SGCD: variants seen among roughly 807,000 people sequenced by gnomAD.
The protein encoded by SGCD is sarcoglycan delta, also known as delta-sarcoglycan.
A neutral mutation model predicts 36.6 loss-of-function variants in SGCD; 18 were observed. The ratio of observed to expected loss-of-function variants is 0.49; its 90% CI spans 0.34 to 0.73. The LOEUF is 0.73. SGCD is among the 30% of genes least tolerant of loss of function. SGCD has a pLI of 0.01. For missense variants in SGCD, 387 were observed against 346.7 expected (o/e 1.12, Z -0.92); for synonymous variants, 133 against 130.6 (o/e 1.02, Z -0.12).
intron 1 of SGCD, among the ~76,000 whole-genome samples, chr5:155,974,743 G>A (rs1022614894): frequency 5.3e-5 from 8 of 152,082 alleles, no homozygotes; most frequent in African/African-American, 1.4e-4. Context: ...AGCACAGATG[G>A]CATGTCAGAG....
intron 3 of SGCD, among the ~76,000 whole-genome samples, chr5:156,230,571 T>C (rs1384102984): frequency 1.3e-5 from 2 of 152,124 alleles, no homozygotes; most frequent in African/African-American, 4.8e-5. Context: ...CTGTTAGTAA[T>C]TGGGGTGTCT....
the SGCD span, among the ~76,000 whole-genome samples, chr5:155,811,402 G>T: frequency 6.6e-6 from 1 of 152,156 alleles, no homozygotes; most frequent in Non-Finnish European, 1.5e-5. Context: ...CTTATGAAGA[G>T]ACATGTTTCT....
intron 1 of SGCD, among the ~76,000 whole-genome samples, chr5:155,874,367 A>C (rs1169132048): frequency 1.3e-5 from 2 of 152,158 alleles, no homozygotes; most frequent in Non-Finnish European, 2.9e-5. Flanking sequence ...ATATCTTAGT[A>C]ATTTTGACTT....
At chr5:156,161,116 C>G (rs1038762331) in intron 3 of SGCD, among the ~76,000 whole-genome samples, 1 of 151,674 alleles carries the variant, frequency 6.6e-6, no homozygotes, top group Non-Finnish European at 1.5e-5. Flanking sequence ...TTACAAGTGT[C>G]TATGGCTTTG....
At chr5:156,185,884 G>T (rs1223755808) in intron 3 of SGCD, among the ~76,000 whole-genome samples, 1 of 32,224 alleles carries the variant, frequency 3.1e-5, no homozygotes. Flanking sequence ...GAGAGAGAGA[G>T]AGGGCCATGT....
intron 4 of SGCD, among the ~76,000 whole-genome samples, 194 bp downstream of exon 4, chr5:156,508,896 C>T (rs1380997643): frequency 6.6e-6 from 1 of 152,190 alleles, no homozygotes; most frequent in Non-Finnish European, 1.5e-5. Flanking sequence ...GATGACCTCT[C>T]TGAGCCTCTT....
At chr5:155,783,927 T>G in the SGCD span, among the ~76,000 whole-genome samples, 1 of 152,164 alleles carries the variant, frequency 6.6e-6, no homozygotes. Context: ...TTTAGCATGA[T>G]TCGTTGGTCT....
the SGCD span, among the ~76,000 whole-genome samples, chr5:155,835,002 AT>A: frequency 0.018 from 1,102 of 60,112 alleles, 14 homozygotes; most frequent in African/African-American, 0.06. Context: ...TGCCCAGCTA[AT>A]TTTTTTTTTT....
intron 3 of SGCD, among the ~76,000 whole-genome samples, chr5:156,230,813 C>A (rs1291598522): frequency 1.3e-5 from 2 of 152,060 alleles, no homozygotes; most frequent in Non-Finnish European, 2.9e-5. Context: ...TTGCATAGTG[C>A]TGAACATATA....
At chr5:155,996,816 T>A (rs932952807) in intron 1 of SGCD, among the ~76,000 whole-genome samples, 7 of 151,002 alleles carry the variant, frequency 4.6e-5, no homozygotes, top group South Asian at 2.1e-4. Flanking sequence ...AAATAATTTT[T>A]AAAAAATCAA....
chr5:155,916,811 T>G (rs1459443123), intron 1 of SGCD, among the ~76,000 whole-genome samples: 2 of 152,188 alleles, frequency 1.3e-5, no homozygotes, highest in African/African-American at 4.8e-5. Flanking sequence ...TTCAGTGTAG[T>G]TACTTCCTGT....
intron 3 of SGCD, among the ~76,000 whole-genome samples, chr5:156,375,867 GTATT>G (rs1175596271): frequency 6.6e-6 from 1 of 151,928 alleles, no homozygotes; most frequent in Non-Finnish European, 1.5e-5. Context: ...TATTTTTACA[GTATT>G]TATTTTGCTT....
the SGCD span, among the ~76,000 whole-genome samples, chr5:155,825,159 C>T: frequency 1.3e-5 from 2 of 152,036 alleles, no homozygotes; most frequent in South Asian, 4.2e-4. Context: ...GTTTGCCAGC[C>T]ATTCATGGTG....
intron 3 of SGCD, among the ~76,000 whole-genome samples, chr5:156,321,005 G>T: frequency 6.6e-6 from 1 of 152,174 alleles, no homozygotes; most frequent in East Asian, 1.9e-4. Flanking sequence ...CTAATCATCT[G>T]CCATTAGTTT....
chr5:156,120,697 T>A (rs2127602427), intron 2 of SGCD, among the ~76,000 whole-genome samples: 1 of 152,296 alleles, frequency 6.6e-6, no homozygotes, highest in African/African-American at 2.4e-5. Context: ...GAAAGGTAGG[T>A]GACATATTTT....
intron 5 of SGCD, among the ~76,000 whole-genome samples, chr5:156,592,814 G>A (rs376317420): frequency 6.6e-6 from 1 of 152,186 alleles, no homozygotes; most frequent in East Asian, 1.9e-4. Context: ...TCATTAGGGA[G>A]CCTTTCCAAT....
intron 3 of SGCD, among the ~76,000 whole-genome samples, chr5:156,149,538 C>A (rs1199228956): frequency 6.6e-6 from 1 of 152,162 alleles, no homozygotes; most frequent in Non-Finnish European, 1.5e-5. Flanking sequence ...TAAAGGGCAG[C>A]CCTAGGGATG....
chr5:155,888,792 T>A (rs1386497904), intron 1 of SGCD, among the ~76,000 whole-genome samples: 11 of 152,288 alleles, frequency 7.2e-5, no homozygotes, highest in Middle Eastern at 6.8e-3. Flanking sequence ...CCTTCCTGTT[T>A]TTCTTTTTTC....
intron 3 of SGCD, among the ~76,000 whole-genome samples, chr5:156,267,800 T>C (rs578197738): frequency 5.3e-5 from 8 of 152,308 alleles, no homozygotes; most frequent in African/African-American, 1.9e-4. Context: ...CCAAGGCAAA[T>C]TTAAAAGTTC....
Sources: allele counts gnomAD v4.1 joint callset (sites outside exome capture counted in the v4.1 genomes callset), GRCh38; gene constraint gnomAD v4.1.1; transcripts MANE v1.5; gene names NCBI Gene and HGNC (gene_info 2026-07-23, HGNC 2026-07-21).